Variants in CTNNAL1 observed in about 807,000 individuals in gnomAD.
CTNNAL1 encodes the protein catenin alpha like 1.
Under a neutral mutation model 93.6 loss-of-function variants are expected in CTNNAL1, and 69 were observed. The observed-to-expected ratio is 0.74, with a 90% confidence interval of 0.61 to 0.90. The LOEUF (loss-of-function observed/expected upper bound fraction) is 0.90. Among genes scored for constraint, CTNNAL1 ranks in the 40% least tolerant of loss-of-function variants. The probability of loss-of-function intolerance (pLI) is 0.00; values close to 1 mark genes in which losing one functional copy is unlikely to be tolerated. For synonymous variants in CTNNAL1, 286 were observed against 305.4 expected (o/e 0.94, Z 0.66); for missense variants, 836 against 862.0 (o/e 0.97, Z 0.38).
At chr9:109,003,559 T>G (rs1210682003) in intron 1 of CTNNAL1, among the ~76,000 whole-genome samples, 1 of 152,218 alleles carries the variant, frequency 6.6e-6, no homozygotes, top group Non-Finnish European at 1.5e-5. Context: ...ATCAAGGAAC[T>G]GGCAACATTT....
At chr9:109,006,192 C>T (rs201896376) in intron 1 of CTNNAL1, among the ~76,000 whole-genome samples, 4 of 152,088 alleles carry the variant, frequency 2.6e-5, no homozygotes, top group East Asian at 1.9e-4. Flanking sequence ...TACTTAAATA[C>T]ACAGTTTTAC....
In CTNNAL1 at chr9:108,975,909, C is replaced by T. The variant is rs552525473; in HGVS notation, c.1188+1053G>A. Among the ~76,000 whole-genome samples, 104 of 152,298 alleles carry T rather than the reference C, an allele frequency of 6.8e-4. 3 individuals are homozygous for T. In the South Asian group the frequency reaches 0.021, roughly 31 times the overall value. ...AAGTGACCATAGGACTTTCAATAAC[C>T]TGAGAGTGGCCAACTAAGTCATGAG... is the stretch of plus-strand genomic sequence containing the variant. On this transcript the variant is annotated intron_variant, in intron 8 of 18. Coordinates refer to ENST00000325551, the MANE Select transcript of CTNNAL1 (RefSeq NM_003798.4).
intron 1 of CTNNAL1, among the ~76,000 whole-genome samples, chr9:109,009,041 C>T (rs955838262): frequency 6.6e-6 from 1 of 151,562 alleles, no homozygotes; most frequent in African/African-American, 2.4e-5. Context: ...ACCACAGGTG[C>T]ATGCCATCAC....
chr9:109,008,708 T>C (rs989027741), intron 1 of CTNNAL1, among the ~76,000 whole-genome samples: 1 of 152,136 alleles, frequency 6.6e-6, no homozygotes, highest in Non-Finnish European at 1.5e-5. Flanking sequence ...CTGTTTCCTC[T>C]TCTGTGAAAT....
intron 2 of CTNNAL1, among the ~76,000 whole-genome samples, chr9:108,993,778 A>T (rs1004172453): frequency 2.0e-5 from 3 of 152,196 alleles, no homozygotes; most frequent in African/African-American, 7.2e-5. Context: ...TCCTAAATAT[A>T]CCTGTGTGCC....
At chr9:108,970,597 T>C in intron 9 of CTNNAL1, 103 bp from the exon 10 acceptor site, 1 of 937,194 alleles carries the variant, frequency 1.1e-6, no homozygotes, top group Non-Finnish European at 1.5e-6. Context: ...TAAAATTTCT[T>C]AAAACCTATT....
chr9:108,991,128 T>A (rs987619037), intron 3 of CTNNAL1, among the ~76,000 whole-genome samples: 1 of 152,148 alleles, frequency 6.6e-6, no homozygotes, highest in Non-Finnish European at 1.5e-5. Context: ...AAGGAAGGGA[T>A]CATTTATGTA....
At chr9:108,995,307 G>A (rs955759139) in intron 2 of CTNNAL1, among the ~76,000 whole-genome samples, 1 of 152,110 alleles carries the variant, frequency 6.6e-6, no homozygotes, top group Non-Finnish European at 1.5e-5. Flanking sequence ...CTGATCCTCT[G>A]GAAAATGTTA....
chr9:108,975,797 C>T (rs769355690), intron 8 of CTNNAL1, among the ~76,000 whole-genome samples: 7 of 152,140 alleles, frequency 4.6e-5, no homozygotes, highest in Non-Finnish European at 1.0e-4. Context: ...AAACAGTAGA[C>T]AGTAGGTCCA....
chr9:108,958,152 C>A (rs1391834358), intron 11 of CTNNAL1, among the ~76,000 whole-genome samples: 1 of 150,428 alleles, frequency 6.6e-6, no homozygotes, highest in African/African-American at 2.5e-5. Context: ...TGAAAGGGCA[C>A]TATCATTACT....
At chr9:108,952,408 T>C (rs777441339) in intron 13 of CTNNAL1, 36 bp downstream of exon 13, 2 of 1,614,194 alleles carry the variant, frequency 1.2e-6, no homozygotes, top group East Asian at 2.2e-5. Context: ...TCACTATTCA[T>C]GTTAAAGGAA....
At position 108,983,314 on chromosome 9, in the gene CTNNAL1, G is replaced by C. The variant is rs1461130592; in HGVS notation, c.731C>G (p.Thr244Arg). The C allele has an allele frequency of 1.3e-6, 2 of 1,510,104 alleles. No individual in the cohort carries two copies. The highest frequency in any genetic ancestry group is 1.8e-6 in the Non-Finnish European group (2 of 1,132,490). The allele number at this position is 1,510,104 out of a possible 1,614,324, so 93.5% of individuals were successfully genotyped here. A position where few individuals can be genotyped will look rare whatever the true frequency, so the allele number is the denominator to read the frequency against. Residue 244 changes from threonine (T) to arginine (R), a missense_variant and splice_region_variant, in exon 6 of 19, where the codon ACA (threonine) becomes AGA (arginine). Transcript: ENST00000325551. ...TTCGCAGTTAGGATGCCTCAGACAT[G>C]TCTTCAAAACAATTGAAAATTTTTA... ...CTMMLLTASK[T>R]CLRHPNCESA...
chr9:108,992,187 T>G (rs2132177004), intron 3 of CTNNAL1: 1 of 599,140 alleles, frequency 1.7e-6, no homozygotes, highest in Middle Eastern at 4.4e-4. Context: ...ATTTAAAGCT[T>G]TTACCAATAA....
intron 7 of CTNNAL1, 95 bp from the exon 8 acceptor site, chr9:108,977,143 A>G (rs1012830887): frequency 5.6e-6 from 3 of 538,676 alleles, no homozygotes; most frequent in Non-Finnish European, 9.5e-6. Flanking sequence ...ATAAATTTTA[A>G]TACTATTCTG....
intron 14 of CTNNAL1, among the ~76,000 whole-genome samples, chr9:108,950,254 C>G (rs564312420): frequency 7.9e-5 from 12 of 152,248 alleles, no homozygotes; most frequent in African/African-American, 2.9e-4. Flanking sequence ...TGGGTAAACA[C>G]AGGAGTTCCA....
chr9:108,943,641 G>A, intron 17 of CTNNAL1, 62 bp downstream of exon 17: 13 of 1,410,768 alleles, frequency 9.2e-6, no homozygotes, highest in African/African-American at 1.4e-5. Context: ...TTTATTTGAA[G>A]AAAAAGGGGC....
chr9:108,948,196 T>C lies in CTNNAL1; in HGVS notation c.1874A>G (p.His625Arg). Residue 625 changes from histidine (H) to arginine (R), a missense_variant, in exon 15 of 19, where the codon CAT (histidine) becomes CGT (arginine). Transcript: ENST00000325551. ...GPLKTSQDLI[H>R]QLEVFAAEGL... ...GGAAACAAGGCATACCTCTAGTTGA[T>C]GAATTAAATCCTGGGAAGTTTTCAG... The C allele has an allele frequency of 6.2e-7, 1 of 1,612,242 alleles. No individual in the cohort carries two copies.
chr9:108,955,728 C>T, intron 12 of CTNNAL1, 62 bp downstream of exon 12: 1 of 1,414,748 alleles, frequency 7.1e-7, no homozygotes, highest in Admixed American at 1.8e-5. Flanking sequence ...CAACAGGCAA[C>T]AAGAGCATAA....
intron 14 of CTNNAL1, among the ~76,000 whole-genome samples, 191 bp from the exon 15 acceptor site, chr9:108,948,425 T>A (rs947356493): frequency 1.3e-5 from 2 of 152,190 alleles, no homozygotes; most frequent in Non-Finnish European, 2.9e-5. Flanking sequence ...TATTAAGATA[T>A]TTTTCCCCAA....
Sources: allele counts gnomAD v4.1 joint callset (sites outside exome capture counted in the v4.1 genomes callset), GRCh38; gene constraint gnomAD v4.1.1; transcripts MANE v1.5; gene names NCBI Gene and HGNC (gene_info 2026-07-23, HGNC 2026-07-21).